ADAMTS2: variants seen among roughly 807,000 people sequenced by gnomAD.
The protein encoded by ADAMTS2 is A disintegrin and metalloproteinase with thrombospondin motifs 2.
A neutral mutation model predicts 123.0 loss-of-function variants in ADAMTS2; 50 were observed. That is an observed-to-expected ratio of 0.41 (90% confidence interval 0.32 to 0.51). The LOEUF is 0.51. ADAMTS2 is among the 20% of genes least tolerant of loss of function. The pLI is 0.35. For missense variants in ADAMTS2, 1,494 were observed against 1,705.2 expected, an observed-to-expected ratio of 0.88 and a Z score of 2.18; for synonymous variants, 678 against 695.4, an observed-to-expected ratio of 0.98 and a Z score of 0.39.
chr5:179,193,522 C>T (rs57440173), intron 4 of ADAMTS2, among the ~76,000 whole-genome samples: 2,480 of 152,254 alleles, frequency 0.016, 84 homozygotes, highest in African/African-American at 0.056. Flanking sequence ...GCCATTCAGA[C>T]GTCAGCATGG....
chr5:179,290,565 G>C (rs1241327625), intron 2 of ADAMTS2, among the ~76,000 whole-genome samples: 1 of 152,236 alleles, frequency 6.6e-6, no homozygotes, highest in Non-Finnish European at 1.5e-5. Flanking sequence ...TACGGAGGAA[G>C]CTGGGTGAAG....
Position 179,185,255 on chromosome 5 carries a change from T to C in ADAMTS2, c.892-4100A>G, listed in dbSNP as rs375846659. On this transcript the variant is annotated intron_variant, in intron 4 of 21. Coordinates refer to ENST00000251582, the MANE Select transcript of ADAMTS2 (RefSeq NM_014244.5). This position sits in a 1 kb window ranked among gnomAD's most constrained non-coding sequence, Gnocchi z 5.9. The stretch of plus-strand genomic sequence containing the variant: ...CTTACTCCAGGTGCCTTACGGAAAG[T>C]AGATGGAAGGGGTCAAGATGTGGGA... Among the ~76,000 whole-genome samples the C allele has an allele frequency of 3.7e-4, 56 of 152,034 alleles. No individual in the cohort carries two copies. The South Asian group carries it at 0.011, about 31-fold the overall frequency.
intron 4 of ADAMTS2, among the ~76,000 whole-genome samples, chr5:179,194,795 A>G (rs1764383038): frequency 6.6e-6 from 1 of 152,112 alleles, no homozygotes; most frequent in Admixed American, 6.5e-5. Flanking sequence ...CAGGGCCAGC[A>G]CGTGCAAAAC....
intron 2 of ADAMTS2, among the ~76,000 whole-genome samples, chr5:179,297,912 C>T (rs1756388622): frequency 6.6e-6 from 1 of 152,158 alleles, no homozygotes; most frequent in South Asian, 2.1e-4. Context: ...GCCACAGGAC[C>T]TCCCTTCCCT....
At position 179,136,039 on chromosome 5, in the gene ADAMTS2, T is replaced by C. The variant is rs747616999; in HGVS notation, c.1955A>G (p.Lys652Arg). Residue 652 changes from lysine to arginine, a missense_variant, in exon 13 of 22, where the codon AAG (lysine) becomes AGG (arginine). Lys to Arg is a conservative substitution (Grantham distance 26). Coordinates refer to ENST00000251582, the MANE Select transcript of ADAMTS2 (RefSeq NM_014244.5). ...CTCGCAGTACAGGTGGCATCTCTCC[T>C]TGGCTGGAAGGGAAGCAGCTGGGGG... ...HWLPHEHRDAKERCHLYCESR... is the reference protein window; with the variant it reads ...HWLPHEHRDARERCHLYCESR... 6.2e-7 allele frequency: 1 copy of C among 1,613,240 alleles called. No homozygotes were observed. Among genetic ancestry groups the C allele is most frequent in the Admixed American group, 1.7e-5 (1 of 60,024 alleles).
At chr5:179,165,352 G>A (rs1227177035) in intron 5 of ADAMTS2, among the ~76,000 whole-genome samples, 1 of 152,228 alleles carries the variant, frequency 6.6e-6, no homozygotes, top group African/African-American at 2.4e-5. Flanking sequence ...CCAGAAGTGA[G>A]GGAGGCTGCA....
At chr5:179,329,337 A>C (rs997058596) in intron 2 of ADAMTS2, among the ~76,000 whole-genome samples, 3 of 151,454 alleles carry the variant, frequency 2.0e-5, no homozygotes, top group East Asian at 1.9e-4. Context: ...AAAAAAAAAA[A>C]AAAAAACAAA....
intron 2 of ADAMTS2, among the ~76,000 whole-genome samples, chr5:179,341,555 A>T (rs201508013): frequency 2.6e-4 from 39 of 150,500 alleles, no homozygotes; most frequent in South Asian, 1.1e-3. Context: ...AAAAAAAAAT[A>T]AAAAAAAATT....
intron 2 of ADAMTS2, among the ~76,000 whole-genome samples, chr5:179,280,603 T>C (rs187835773): frequency 5.4e-4 from 82 of 152,332 alleles, no homozygotes; most frequent in African/African-American, 1.9e-3. Context: ...GGCCGTCCCA[T>C]GGCACGCAAG....
At chr5:179,289,170 C>T (rs1178308706) in intron 2 of ADAMTS2, among the ~76,000 whole-genome samples, 1 of 152,150 alleles carries the variant, frequency 6.6e-6, no homozygotes, top group South Asian at 2.1e-4. Context: ...GCCTGTCCCA[C>T]CGCCCCGTGT....
rs745344724 is a variant in ADAMTS2 at position 179,260,509 on chromosome 5, C to T, written c.688+12402G>A. ...CTTGGAAGGCCCTCTGTCCAACAAACAGATGGGGTCACAGGCTACCGGGTT... is the reference window on the plus strand; with the variant it reads ...CTTGGAAGGCCCTCTGTCCAACAAATAGATGGGGTCACAGGCTACCGGGTT... On this transcript the variant is annotated intron_variant, in intron 3 of 21. Transcript: ENST00000251582. This position sits in a 1 kb window ranked among gnomAD's most constrained non-coding sequence, Gnocchi z 4.2. Among the ~76,000 whole-genome samples, 11 of 152,150 alleles carry T rather than the reference C, an allele frequency of 7.2e-5. No individual in the cohort carries two copies. The highest frequency in any genetic ancestry group is 2.0e-4 in the Admixed American group (3 of 15,284).
chr5:179,129,926 A>G lies in ADAMTS2; in HGVS notation c.2457+6T>C. 1 of 1,613,394 alleles carries G rather than the reference A, an allele frequency of 6.2e-7. No individual in the cohort carries two copies. The highest frequency in any genetic ancestry group is 1.3e-5 in the African/African-American group (1 of 74,890). On this transcript the variant is annotated splice_donor_region_variant and intron_variant, in intron 16 of 21. Transcript: ENST00000251582. The surrounding 1 kb of genome is among the most constrained non-coding windows in gnomAD (Gnocchi z 4.1). ...CTTCCCTGGGCCCAGCCCTGCTTGG[A>G]CTCACCAGAACGGTGATGGTGCCGT...
chr5:179,184,384 G>A (rs960803956), intron 4 of ADAMTS2, among the ~76,000 whole-genome samples: 10 of 151,932 alleles, frequency 6.6e-5, no homozygotes, highest in South Asian at 4.1e-4. Context: ...GGTGGCGAGC[G>A]CTTGTAATCC....
intron 21 of ADAMTS2, 119 bp from the exon 22 acceptor site, chr5:179,114,443 A>T (rs1281871225): frequency 1.0e-6 from 1 of 996,944 alleles, no homozygotes; most frequent in African/African-American, 1.6e-5. Flanking sequence ...CACAGAGGCA[A>T]GTGAGCCCAG....
chr5:179,125,731 G>A (rs1357183857), intron 18 of ADAMTS2, among the ~76,000 whole-genome samples: 2 of 152,244 alleles, frequency 1.3e-5, no homozygotes, highest in African/African-American at 4.8e-5. Context: ...AGGGCCAGGA[G>A]GCGAGCCCTG....
intron 4 of ADAMTS2, among the ~76,000 whole-genome samples, chr5:179,187,411 T>C (rs73328270): frequency 0.026 from 4,034 of 152,346 alleles, 196 homozygotes; most frequent in African/African-American, 0.091. Flanking sequence ...TCAGGAACTT[T>C]GGACTTGCCG....
At chr5:179,140,161 C>A in intron 10 of ADAMTS2, 126 bp from the exon 11 acceptor site, 1 of 1,363,246 alleles carries the variant, frequency 7.3e-7, no homozygotes, top group Non-Finnish European at 1.0e-6. Flanking sequence ...GGGGAGCTCA[C>A]CCTCCTCGCC....
Position 179,132,589 on chromosome 5 carries a change from C to A in ADAMTS2, c.2209+188G>T, listed in dbSNP as rs1762983580. On this transcript the variant is annotated intron_variant, in intron 14 of 21. Coordinates refer to ENST00000251582, the MANE Select transcript of ADAMTS2 (RefSeq NM_014244.5). This position sits in a 1 kb window ranked among gnomAD's most constrained non-coding sequence, Gnocchi z 6.1. ...CCCCCACTCTCCTCTTCCCCACCCA[C>A]CCTGGCACCCAGCTGGGGCTGTCCC... Among the ~76,000 whole-genome samples, 1 of 151,802 alleles carries A rather than the reference C, an allele frequency of 6.6e-6. No individual in the cohort carries two copies. Among genetic ancestry groups the A allele is most frequent in the Admixed American group, 6.6e-5 (1 of 15,244 alleles).
At chr5:179,153,406 C>T (rs1763402988) in intron 9 of ADAMTS2, 85 bp downstream of exon 9, 2 of 1,587,478 alleles carry the variant, frequency 1.3e-6, no homozygotes, top group East Asian at 4.5e-5. Context: ...TGGGCCGGTC[C>T]TCACACTGTC....
Sources: allele counts gnomAD v4.1 joint callset (sites outside exome capture counted in the v4.1 genomes callset), GRCh38; gene constraint gnomAD v4.1.1; non-coding constraint Gnocchi (gnomAD v3.1); transcripts MANE v1.5; gene names NCBI Gene and HGNC (gene_info 2026-07-23, HGNC 2026-07-21).